The following ZNF469 variants were observed in gnomAD, a reference collection of about 807,000 sequenced individuals.
ZNF469 encodes zinc finger protein 469.
In ZNF469, 1 loss-of-function variant was observed where a neutral mutation model predicts 1.0. The observed-to-expected ratio is 1.00, with a 90% CI of 0.35 to 4.73. The LOEUF (loss-of-function observed/expected upper bound fraction) is 4.73, where lower values mean the gene tolerates loss of function less well. Ranked by LOEUF, ZNF469 falls within the 30% of genes most tolerant of loss-of-function variation. The pLI is 0.16. For missense variants in ZNF469, 6,100 were observed against 5,356.3 expected (o/e 1.14, Z -4.33); for synonymous variants, 2,703 against 2,363.4 (o/e 1.14, Z -4.17).
At position 88,412,369 on chromosome 16, in the gene ZNF469, G is replaced by C. The variant is rs1905195164; in HGVS notation, c.-191-12438G>C. Among the ~76,000 whole-genome samples the C allele has an allele frequency of 4.0e-5, 6 of 151,752 alleles. 1 individual carries two copies. Among genetic ancestry groups the C allele is most frequent in the Middle Eastern group, 6.8e-3 (2 of 294 alleles). ...GCTTAACCTCTCTGAGCCCTACTGT[G>C]TGACCGCAGGCACCTCGCTTAACCT... On this transcript the variant is annotated intron_variant, in intron 1 of 2. Transcript: ENST00000565624.
rs1906494284 is a variant in ZNF469 at position 88,435,344 on chromosome 16, G to A, written c.7874G>A (p.Ser2625Asn). 1 of 1,550,268 alleles carries A rather than the reference G, an allele frequency of 6.5e-7. No homozygotes were observed. ...WRREPTVDSP[S>N]HSEGKSNKKR... Reference sequence around the variant, plus strand: ...CGAGAGCCCACCGTGGACTCTCCTAGCCACTCAGAGGGGAAGTCAAATAAG... The same window carrying A: ...CGAGAGCCCACCGTGGACTCTCCTAACCACTCAGAGGGGAAGTCAAATAAG... Residue 2625 changes from serine to asparagine, a missense_variant, in exon 3 of 3, where the codon AGC (serine) becomes AAC (asparagine). Transcript: ENST00000565624.
intron 1 of ZNF469, among the ~76,000 whole-genome samples, chr16:88,389,281 C>T (rs1904418852): frequency 1.3e-5 from 2 of 152,280 alleles, no homozygotes; most frequent in African/African-American, 4.8e-5. Flanking sequence ...GTGACTGGCT[C>T]TGTCACTCAG....
the ZNF469 span, among the ~76,000 whole-genome samples, chr16:88,187,007 A>G: frequency 1.3e-5 from 2 of 151,984 alleles, no homozygotes; most frequent in Admixed American, 1.3e-4. Context: ...GTCTCGGGAG[A>G]AAGTTCTAGC....
the ZNF469 span, among the ~76,000 whole-genome samples, chr16:88,246,490 C>T: frequency 1.1e-4 from 16 of 152,276 alleles, no homozygotes; most frequent in Non-Finnish European, 1.3e-4. Context: ...GGCATGGAGA[C>T]GGGTAGGAGG....
At chr16:88,397,008 C>A (rs1046197586) in intron 1 of ZNF469, among the ~76,000 whole-genome samples, 1 of 151,672 alleles carries the variant, frequency 6.6e-6, no homozygotes, top group African/African-American at 2.4e-5. Flanking sequence ...CGGGAGGAGA[C>A]CCTCCTGAAG....
the ZNF469 span, among the ~76,000 whole-genome samples, chr16:88,333,707 T>TTCTTCCCATGGAAGGCATTTC: frequency 6.6e-6 from 1 of 152,138 alleles, no homozygotes. Flanking sequence ...GAAGGCATTT[T>TTCTTCCCATGGAAGGCATTTC]CATTCTTCCC....
At chr16:88,322,239 C>T in the ZNF469 span, among the ~76,000 whole-genome samples, 2 of 152,218 alleles carry the variant, frequency 1.3e-5, no homozygotes, top group African/African-American at 2.4e-5. Flanking sequence ...CAAACCTGTG[C>T]CCCACACAGT....
At chr16:88,161,773 C>T in the ZNF469 span, among the ~76,000 whole-genome samples, 4 of 152,146 alleles carry the variant, frequency 2.6e-5, no homozygotes, top group Non-Finnish European at 5.9e-5. Context: ...CCCTGCAAAA[C>T]CGAGGGACAG....
the ZNF469 span, among the ~76,000 whole-genome samples, chr16:88,216,410 C>T: frequency 1.1e-4 from 17 of 151,216 alleles, no homozygotes; most frequent in South Asian, 2.5e-3. Context: ...AGGAGAATTG[C>T]GTGAACCCGG....
chr16:88,126,089 T>C, the ZNF469 span, among the ~76,000 whole-genome samples: 1 of 146,548 alleles, frequency 6.8e-6, no homozygotes, highest in Non-Finnish European at 1.5e-5. Context: ...CTGAAGAGGC[T>C]GAGACAGGAG....
At chr16:88,266,298 A>G in the ZNF469 span, among the ~76,000 whole-genome samples, 903 of 152,342 alleles carry the variant, frequency 5.9e-3, 6 homozygotes, top group African/African-American at 0.021. Flanking sequence ...GGCCAGGTCC[A>G]CGCTGACCAC....
chr16:88,405,633 C>T (rs1161147050), intron 1 of ZNF469, among the ~76,000 whole-genome samples: 9 of 152,214 alleles, frequency 5.9e-5, no homozygotes, highest in Admixed American at 5.9e-4. Flanking sequence ...ACCAAACACC[C>T]ATGAGAGCAG....
At position 88,427,618 on chromosome 16, in the gene ZNF469, G is replaced by A. The variant is rs1328744707; in HGVS notation, c.148G>A (p.Glu50Lys). 6.5e-7 allele frequency: 1 copy of A among 1,537,330 alleles called. No homozygotes were observed. The change falls in exon 3 of 3, where the codon GAG becomes AAG. Residue 50 changes from glutamate (E) to lysine (K), a missense_variant. By Grantham distance (56) the Glu-to-Lys change is moderately conservative (BLOSUM62 1). Coordinates refer to ENST00000565624, the MANE Select transcript of ZNF469 (RefSeq NM_001367624.2). ...TACCAGGACCACCAAGGGTGCCAGG[G>A]AGGCTGGCGGCCAGGCCCAGGCCAT... ...PATRTTKGAR[E>K]AGGQAQAMEL...
At chr16:88,292,425 C>A in the ZNF469 span, among the ~76,000 whole-genome samples, 3 of 152,160 alleles carry the variant, frequency 2.0e-5, no homozygotes, top group African/African-American at 4.8e-5. Flanking sequence ...CCTCCACCCT[C>A]CCATCTATGA....
the ZNF469 span, among the ~76,000 whole-genome samples, chr16:88,288,764 T>G: frequency 1.9e-3 from 283 of 152,292 alleles, no homozygotes; most frequent in African/African-American, 6.4e-3. Context: ...CTCTTGCTCT[T>G]CCTATGTCAA....
At chr16:88,153,840 TGA>T in the ZNF469 span, among the ~76,000 whole-genome samples, 1 of 152,006 alleles carries the variant, frequency 6.6e-6, no homozygotes, top group Non-Finnish European at 1.5e-5. Context: ...AGAATGAGAG[TGA>T]GAGAGAGAAG....
the ZNF469 span, among the ~76,000 whole-genome samples, chr16:88,313,667 T>A: frequency 6.6e-6 from 1 of 152,028 alleles, no homozygotes; most frequent in Admixed American, 6.5e-5. Context: ...GGACTCTCTC[T>A]GTAATTAAGA....
chr16:88,345,257 C>T, the ZNF469 span, among the ~76,000 whole-genome samples: 1 of 152,186 alleles, frequency 6.6e-6, no homozygotes, highest in Non-Finnish European at 1.5e-5. Flanking sequence ...ACGCACACCT[C>T]GTGTGACCGT....
chr16:88,335,481 T>G, the ZNF469 span, among the ~76,000 whole-genome samples: 1 of 152,200 alleles, frequency 6.6e-6, no homozygotes, highest in Non-Finnish European at 1.5e-5. Context: ...ACAGGGCCAC[T>G]CTGGCACGGG....
Sources: gnomAD v4.1 joint callset for allele counts (sites outside exome capture counted in the v4.1 genomes callset) on GRCh38, gnomAD v4.1.1 for gene constraint, MANE v1.5 for transcripts, NCBI Gene and HGNC (gene_info 2026-07-23, HGNC 2026-07-21) for gene names.